INPP4B: variants seen among roughly 807,000 people sequenced by gnomAD.
The protein encoded by INPP4B is inositol polyphosphate-4-phosphatase type II B.
A neutral mutation model predicts 122.5 loss-of-function variants in INPP4B; 55 were observed. The ratio of observed to expected loss-of-function variants is 0.45; its 90% CI spans 0.36 to 0.56. The LOEUF is 0.56. Among genes scored for constraint, INPP4B ranks in the 20% least tolerant of loss-of-function variants. INPP4B has a pLI of 0.00. For synonymous variants in INPP4B, 403 were observed against 388.7 expected, an observed-to-expected ratio of 1.04 and a Z score of -0.43; for missense variants, 1,000 against 1,097.7, an observed-to-expected ratio of 0.91 and a Z score of 1.26.
At chr4:142,197,639 G>A (rs1838892236) in intron 14 of INPP4B, among the ~76,000 whole-genome samples, 1 of 151,960 alleles carries the variant, frequency 6.6e-6, no homozygotes, top group South Asian at 2.1e-4. Context: ...AATAATGATG[G>A]CAACAATATA....
intron 9 of INPP4B, among the ~76,000 whole-genome samples, chr4:142,288,853 G>A (rs1401430256): frequency 1.3e-5 from 2 of 152,058 alleles, no homozygotes; most frequent in Admixed American, 6.6e-5. Context: ...ATGAGACAAC[G>A]TGTACAAACA....
intron 11 of INPP4B, among the ~76,000 whole-genome samples, chr4:142,238,576 T>C (rs771942439): frequency 6.6e-6 from 1 of 152,068 alleles, no homozygotes; most frequent in African/African-American, 2.4e-5. Flanking sequence ...CACTCTTTTG[T>C]CTTAAAATCT....
intron 2 of INPP4B, among the ~76,000 whole-genome samples, chr4:142,719,518 T>G (rs1764232160): frequency 6.6e-6 from 1 of 151,926 alleles, no homozygotes; most frequent in Non-Finnish European, 1.5e-5. Context: ...AAAATGGGGT[T>G]TCGCGATGTT....
At chr4:142,083,486 C>T (rs1561058160) in intron 24 of INPP4B, among the ~76,000 whole-genome samples, 1 of 152,170 alleles carries the variant, frequency 6.6e-6, no homozygotes, top group Admixed American at 6.5e-5. Context: ...TCAACTTCGG[C>T]ATTACAATGC....
intron 12 of INPP4B, among the ~76,000 whole-genome samples, chr4:142,222,799 T>C (rs1329357517): frequency 2.0e-5 from 3 of 152,168 alleles, no homozygotes; most frequent in Non-Finnish European, 2.9e-5. Flanking sequence ...AGCATACCTA[T>C]GAAGTGTGCT....
At chr4:142,464,294 T>C (rs1165110765) in intron 2 of INPP4B, among the ~76,000 whole-genome samples, 1 of 152,200 alleles carries the variant, frequency 6.6e-6, no homozygotes, top group Non-Finnish European at 1.5e-5. Context: ...TTTTATAAAA[T>C]GATTTCATAT....
intron 2 of INPP4B, among the ~76,000 whole-genome samples, chr4:142,537,413 TATATATATATATATATAGAGAG>T (rs1194801295): frequency 4.5e-5 from 2 of 44,602 alleles, no homozygotes; most frequent in African/African-American, 7.4e-5. Flanking sequence ...TATATATATA[TATATATATATATATATAGAGAG>T]AGAGAGAGAG....
intron 2 of INPP4B, among the ~76,000 whole-genome samples, chr4:142,479,995 C>T (rs769549894): frequency 6.6e-6 from 1 of 152,106 alleles, no homozygotes; most frequent in Non-Finnish European, 1.5e-5. Context: ...AACTAATGTA[C>T]AGGGAAAGTA....
chr4:142,586,830 A>C (rs977599965), intron 2 of INPP4B, among the ~76,000 whole-genome samples: 1 of 152,146 alleles, frequency 6.6e-6, no homozygotes, highest in Non-Finnish European at 1.5e-5. Flanking sequence ...TATCTGAAGA[A>C]TGTATTTGAA....
intron 2 of INPP4B, among the ~76,000 whole-genome samples, chr4:142,497,714 T>A (rs1822773826): frequency 6.6e-6 from 1 of 152,178 alleles, no homozygotes; most frequent in African/African-American, 2.4e-5. Flanking sequence ...ACAACAATAT[T>A]TCCCAGTAGT....
At chr4:142,501,724 C>G (rs2149822377) in intron 2 of INPP4B, among the ~76,000 whole-genome samples, 1 of 152,172 alleles carries the variant, frequency 6.6e-6, no homozygotes, top group Admixed American at 6.5e-5. Context: ...AAGTGGTTCA[C>G]TAAGTTCCAG....
At chr4:142,467,079 A>G (rs1347537319) in intron 2 of INPP4B, among the ~76,000 whole-genome samples, 1 of 152,226 alleles carries the variant, frequency 6.6e-6, no homozygotes, top group East Asian at 1.9e-4. Context: ...ACCCTAACAG[A>G]GAAACTTTAC....
intron 2 of INPP4B, among the ~76,000 whole-genome samples, chr4:142,574,556 C>T (rs142931266): frequency 3.7e-4 from 57 of 152,166 alleles, no homozygotes; most frequent in African/African-American, 7.0e-4. Context: ...TGAGTTTCTC[C>T]GGAAACACCA....
intron 1 of INPP4B, among the ~76,000 whole-genome samples, chr4:142,815,952 T>C (rs1279642648): frequency 6.6e-6 from 1 of 152,192 alleles, no homozygotes; most frequent in African/African-American, 2.4e-5. Flanking sequence ...CCTTGTCCAC[T>C]TACTGTGTAA....
chr4:142,239,373 T>C (rs1858158219), intron 11 of INPP4B, among the ~76,000 whole-genome samples: 1 of 152,178 alleles, frequency 6.6e-6, no homozygotes, highest in Non-Finnish European at 1.5e-5. Flanking sequence ...AAGTACACTA[T>C]TTCTAGCATG....
intron 17 of INPP4B, among the ~76,000 whole-genome samples, chr4:142,150,238 A>G (rs2152861446): frequency 6.6e-6 from 1 of 152,288 alleles, no homozygotes; most frequent in South Asian, 2.1e-4. Flanking sequence ...TGCTCCCATG[A>G]TGAAGAAAGG....
At chr4:142,232,144 G>C (rs1333070653) in intron 12 of INPP4B, among the ~76,000 whole-genome samples, 1 of 152,110 alleles carries the variant, frequency 6.6e-6, no homozygotes, top group African/African-American at 2.4e-5. Context: ...CCCTCATGTA[G>C]GGCATGAATG....
At chr4:142,183,274 T>A (rs1180660107) in intron 15 of INPP4B, among the ~76,000 whole-genome samples, 1 of 152,208 alleles carries the variant, frequency 6.6e-6, no homozygotes, top group Non-Finnish European at 1.5e-5. Flanking sequence ...GTGCTGACAC[T>A]ATAAGCCAAT....
chr4:142,110,909 A>G (rs968020436), intron 22 of INPP4B, among the ~76,000 whole-genome samples: 3 of 152,166 alleles, frequency 2.0e-5, no homozygotes, highest in Non-Finnish European at 4.4e-5. Flanking sequence ...ATCTCTCTCA[A>G]GATCACAATC....
Sources: allele counts gnomAD v4.1 joint callset (sites outside exome capture counted in the v4.1 genomes callset), GRCh38; gene constraint gnomAD v4.1.1; transcripts MANE v1.5; gene names NCBI Gene and HGNC (gene_info 2026-07-23, HGNC 2026-07-21).